The following FLT1 variants were observed in gnomAD, a reference collection of about 807,000 sequenced individuals.
FLT1 encodes the protein vascular endothelial growth factor receptor 1.
A neutral mutation model predicts 156.3 loss-of-function variants in FLT1; 49 were observed. The observed-to-expected ratio is 0.31, with a 90% confidence interval of 0.25 to 0.40. The LOEUF is 0.40. FLT1 is among the 10% of genes least tolerant of loss of function. The probability of loss-of-function intolerance (pLI) is 1.00; values close to 1 mark genes in which losing one functional copy is unlikely to be tolerated. For missense variants in FLT1, 1,322 were observed against 1,637.2 expected, an observed-to-expected ratio of 0.81 and a Z score of 3.32; for synonymous variants, 594 against 583.8, an observed-to-expected ratio of 1.02 and a Z score of -0.25.
rs530179319 is a variant in FLT1, at chr13:28,396,072, G to C, written c.1660+888C>G. 7.2e-5 allele frequency among the ~76,000 whole-genome samples: 11 copies of C among 152,306 alleles called. No individual in the cohort carries two copies. In the East Asian group the frequency reaches 2.1e-3, roughly 29 times the overall value. ...ATGCAGAATAGCCTCTAGAATCCCT[G>C]ACAGCCCTGACGTTCTATGAGAATC... On this transcript the variant is annotated intron_variant, in intron 12 of 29. Coordinates refer to ENST00000282397, the MANE Select transcript of FLT1 (RefSeq NM_002019.4).
chr13:28,363,495 G>A (rs190029868), intron 14 of FLT1, among the ~76,000 whole-genome samples: 3 of 152,072 alleles, frequency 2.0e-5, no homozygotes, highest in Admixed American at 2.0e-4. Context: ...TTCTACATAG[G>A]TATATATCTG....
intron 10 of FLT1, among the ~76,000 whole-genome samples, chr13:28,417,678 T>TC (rs2137521233): frequency 6.6e-6 from 1 of 152,070 alleles, no homozygotes; most frequent in South Asian, 2.1e-4. Context: ...TCCGTTTTTT[T>TC]TTTTTTGAGA....
chr13:28,393,398 A>G (rs1271597871), intron 12 of FLT1, among the ~76,000 whole-genome samples: 1 of 152,206 alleles, frequency 6.6e-6, no homozygotes, highest in Non-Finnish European at 1.5e-5. Context: ...CTCTACTGCC[A>G]CCGAAGAGTG....
At chr13:28,311,805 C>A (rs1871016460) in intron 26 of FLT1, 73 bp from the exon 27 acceptor site, 1 of 1,511,740 alleles carries the variant, frequency 6.6e-7, no homozygotes, top group African/African-American at 1.4e-5. Context: ...ATTATGTCAA[C>A]TTTGACTATG....
rs934969803 is a variant in FLT1 at position 28,439,908 on chromosome 13, G to GA, written c.389-1564dup. 6.6e-6 allele frequency among the ~76,000 whole-genome samples: 1 copy of GA among 151,856 alleles called. No homozygotes were observed. Among genetic ancestry groups the GA allele is most frequent in the Non-Finnish European group, 1.5e-5 (1 of 67,930 alleles). On this transcript the variant is annotated intron_variant, in intron 3 of 29. Coordinates refer to ENST00000282397, the MANE Select transcript of FLT1 (RefSeq NM_002019.4). The surrounding 1 kb of genome is among the most constrained non-coding windows in gnomAD (Gnocchi z 4.1). The stretch of plus-strand genomic sequence containing the variant: ...ATTTCTGTAGTTTTAAGCCAAAAAA[G>GA]AAAAAAAAGTGGGCCATTGCTGTAG...
In FLT1 at chr13:28,433,816, C is replaced by T. The variant is rs748255082; in HGVS notation, c.813+3G>A. On this transcript the variant is annotated splice_donor_region_variant and intron_variant, in intron 6 of 29. Coordinates refer to ENST00000282397, the MANE Select transcript of FLT1 (RefSeq NM_002019.4). ...AGAAGAAATAGAAAAATGGGTCACTCACTTCATCAGGGTAACTCCAGGTCA... is the reference window on the plus strand; with the variant it reads ...AGAAGAAATAGAAAAATGGGTCACTTACTTCATCAGGGTAACTCCAGGTCA... The T allele has an allele frequency of 9.3e-6, 15 of 1,613,618 alleles. No homozygotes were observed. The highest frequency in any genetic ancestry group is 1.3e-5 in the Non-Finnish European group (15 of 1,179,680).
At chr13:28,378,632 G>T (rs553378672) in intron 14 of FLT1, among the ~76,000 whole-genome samples, 3 of 152,170 alleles carry the variant, frequency 2.0e-5, no homozygotes, top group Admixed American at 2.0e-4. Context: ...TCATCCATTA[G>T]TCTGTAAAAC....
intron 28 of FLT1, among the ~76,000 whole-genome samples, chr13:28,307,859 C>A (rs999144559): frequency 6.6e-6 from 1 of 152,068 alleles, no homozygotes; most frequent in African/African-American, 2.4e-5. Flanking sequence ...GCAACCTCCG[C>A]CTCCCGGGTT....
intron 10 of FLT1, among the ~76,000 whole-genome samples, chr13:28,406,606 AT>A (rs1354313888): frequency 1.3e-5 from 2 of 148,584 alleles, no homozygotes; most frequent in Non-Finnish European, 3.0e-5. Flanking sequence ...GATTCTACAG[AT>A]TTTTTAAACC....
intron 11 of FLT1, among the ~76,000 whole-genome samples, chr13:28,403,134 C>T (rs769047724): frequency 6.6e-6 from 1 of 152,098 alleles, no homozygotes; most frequent in Non-Finnish European, 1.5e-5. Flanking sequence ...ACAGGAAGTA[C>T]TAGCTAAGGC....
intron 10 of FLT1, among the ~76,000 whole-genome samples, chr13:28,421,473 G>T (rs1876996036): frequency 6.6e-6 from 1 of 152,204 alleles, no homozygotes; most frequent in Non-Finnish European, 1.5e-5. Flanking sequence ...GGCTGGCAAG[G>T]TGGTCCAGGT....
At chr13:28,459,207 C>T (rs930374425) in intron 3 of FLT1, among the ~76,000 whole-genome samples, 2 of 152,142 alleles carry the variant, frequency 1.3e-5, no homozygotes, top group African/African-American at 2.4e-5. Flanking sequence ...GACTGAGAGT[C>T]CTACCTTTGT....
At chr13:28,357,455 A>T in intron 15 of FLT1, 99 bp downstream of exon 15, 1 of 1,237,574 alleles carries the variant, frequency 8.1e-7, no homozygotes, top group Non-Finnish European at 1.2e-6. Context: ...AAAGGAACAG[A>T]CTGGAGCAGG....
At chr13:28,428,147 G>A (rs755305782) in intron 8 of FLT1, among the ~76,000 whole-genome samples, 10 of 152,142 alleles carry the variant, frequency 6.6e-5, no homozygotes, top group African/African-American at 2.2e-4. Context: ...TAAAGCGAGC[G>A]AAGATAGAAA....
chr13:28,486,719 C>T (rs1881189852), intron 1 of FLT1, among the ~76,000 whole-genome samples: 1 of 152,214 alleles, frequency 6.6e-6, no homozygotes, highest in African/African-American at 2.4e-5. Context: ...GATTCAATGC[C>T]CTGGCATTTG....
At chr13:28,420,104 C>T (rs1188907637) in intron 10 of FLT1, among the ~76,000 whole-genome samples, 1 of 152,194 alleles carries the variant, frequency 6.6e-6, no homozygotes, top group Non-Finnish European at 1.5e-5. Flanking sequence ...AGAACTCATG[C>T]TCTGTTCTCA....
At chr13:28,362,049 G>T (rs530381324) in intron 14 of FLT1, among the ~76,000 whole-genome samples, 1 of 152,338 alleles carries the variant, frequency 6.6e-6, no homozygotes, top group South Asian at 2.1e-4. Context: ...CTCAAATCTG[G>T]ATGGTGGGAA....
At chr13:28,479,640 A>C (rs1335681093) in intron 1 of FLT1, among the ~76,000 whole-genome samples, 1 of 152,238 alleles carries the variant, frequency 6.6e-6, no homozygotes, top group Non-Finnish European at 1.5e-5. Flanking sequence ...TTTTAAAAGA[A>C]ATAATTTACC....
intron 23 of FLT1, 53 bp downstream of exon 23, chr13:28,321,410 G>A: frequency 6.3e-7 from 1 of 1,596,552 alleles, no homozygotes; most frequent in Non-Finnish European, 8.6e-7. Context: ...CCAAGTCTGT[G>A]GTTTAAAAGT....
Sources: gnomAD v4.1 joint callset for allele counts (sites outside exome capture counted in the v4.1 genomes callset) on GRCh38, gnomAD v4.1.1 for gene constraint, Gnocchi (gnomAD v3.1) non-coding constraint, MANE v1.5 for transcripts, NCBI Gene and HGNC (gene_info 2026-07-23, HGNC 2026-07-21) for gene names.